Variants in ERI1 observed in about 807,000 individuals in gnomAD.
ERI1 encodes the protein 3'-5' exoribonuclease 1.
Under a neutral mutation model 39.7 loss-of-function variants are expected in ERI1, and 39 were observed. The observed-to-expected ratio is 0.98, with a 90% CI of 0.76 to 1.28. The LOEUF (loss-of-function observed/expected upper bound fraction) is 1.28. ERI1 is among the 50% of genes most tolerant of loss of function. ERI1 has a pLI of 0.00. For synonymous variants in ERI1, 204 were observed against 149.6 expected (o/e 1.36, Z -2.65); for missense variants, 581 against 416.9 (o/e 1.39, Z -3.43).
intron 2 of ERI1, among the ~76,000 whole-genome samples, chr8:9,010,010 A>G (rs2117194356): frequency 6.6e-6 from 1 of 152,362 alleles, no homozygotes; most frequent in African/African-American, 2.4e-5. Context: ...AATTGGTGTT[A>G]GTGCTCAGTT....
chr8:9,088,659 G>C (rs1271593765), intron 3 of ERI1: 1 of 152,262 alleles, frequency 6.6e-6, no homozygotes, highest in African/African-American at 2.4e-5. Context: ...TTCAGCCAGT[G>C]CAAGTTGTGG....
chr8:9,097,287 G>A (rs187779892), intron 3 of ERI1, among the ~76,000 whole-genome samples: 27 of 152,152 alleles, frequency 1.8e-4, no homozygotes, highest in African/African-American at 5.8e-4. Flanking sequence ...ATTAACAGTC[G>A]AGTGTTTTTG....
At chr8:9,061,052 A>G (rs1374425712) in intron 3 of ERI1, among the ~76,000 whole-genome samples, 1 of 152,186 alleles carries the variant, frequency 6.6e-6, no homozygotes, top group Admixed American at 6.5e-5. Flanking sequence ...CGAGGGCTTG[A>G]GTTAAGGCAA....
intron 3 of ERI1, among the ~76,000 whole-genome samples, chr8:9,074,572 G>A (rs1799149777): frequency 6.6e-6 from 1 of 152,102 alleles, no homozygotes; most frequent in Non-Finnish European, 1.5e-5. Context: ...CTCCTGAGTA[G>A]CTGAGACTAC....
At position 9,025,572 on chromosome 8, in the gene ERI1, G is replaced by A. The variant is rs140224380; in HGVS notation, c.808-4220G>A. On this transcript the variant is annotated intron_variant, in intron 6 of 6. Transcript: ENST00000250263. ...CTTGCTAAGCCAGAGGAAGCAAGAG[G>A]TTGGTTTGTTCTTTGTCTAGATTTC... Among the ~76,000 whole-genome samples the A allele has an allele frequency of 3.9e-5, 6 of 152,328 alleles. No homozygotes were observed. In the East Asian group the frequency reaches 1.2e-3, roughly 29 times the overall value.
chr8:9,037,444 C>A (rs560928470), downstream of ERI1, among the ~76,000 whole-genome samples: 1 of 151,794 alleles, frequency 6.6e-6, no homozygotes, highest in South Asian at 2.1e-4. Flanking sequence ...ACTTTTGTTA[C>A]ATTCATTGGG....
intron 1 of ERI1, among the ~76,000 whole-genome samples, chr8:9,006,607 T>G (rs1397729111): frequency 6.6e-6 from 1 of 152,178 alleles, no homozygotes; most frequent in Non-Finnish European, 1.5e-5. Context: ...AAAATTCTGG[T>G]CAAGCAGAGC....
chr8:9,013,397 G>A (rs13262828), intron 3 of ERI1, among the ~76,000 whole-genome samples: 4 of 150,986 alleles, frequency 2.6e-5, no homozygotes, highest in African/African-American at 4.9e-5. Context: ...TTTTCTTCAG[G>A]TATAACTTGT....
chr8:9,025,404 C>A (rs895908506), intron 6 of ERI1, among the ~76,000 whole-genome samples: 2 of 152,210 alleles, frequency 1.3e-5, no homozygotes, highest in Non-Finnish European at 2.9e-5. Flanking sequence ...CTTATAGGGA[C>A]TTGTTCAGCT....
intron 3 of ERI1, among the ~76,000 whole-genome samples, chr8:9,085,685 G>A (rs539600668): frequency 3.5e-4 from 53 of 151,854 alleles, no homozygotes; most frequent in Non-Finnish European, 6.3e-4. Flanking sequence ...GAAAGTTCAG[G>A]GCCCCTAATT....
intron 3 of ERI1, among the ~76,000 whole-genome samples, chr8:9,055,091 A>G (rs939630817): frequency 1.3e-5 from 2 of 152,242 alleles, no homozygotes; most frequent in African/African-American, 4.8e-5. Context: ...GAGCCAGAGT[A>G]GGCTCAGAGA....
chr8:9,076,177 C>T (rs1430643030), intron 3 of ERI1, among the ~76,000 whole-genome samples: 1 of 152,198 alleles, frequency 6.6e-6, no homozygotes, highest in East Asian at 1.9e-4. Flanking sequence ...CCCCTGGGCT[C>T]AAGTGGTCCT....
intron 1 of ERI1, 104 bp downstream of exon 1, chr8:9,003,275 G>C (rs1427738630): frequency 1.5e-6 from 1 of 672,308 alleles, no homozygotes; most frequent in Non-Finnish European, 2.1e-6. Context: ...GTGCAGCTGT[G>C]CGCCCTTGGA....
intron 3 of ERI1, 64 bp downstream of exon 3, chr8:9,011,816 T>G: frequency 1.6e-6 from 2 of 1,238,918 alleles, no homozygotes; most frequent in Non-Finnish European, 2.2e-6. Context: ...TTACTGGTTA[T>G]GTGGAGGACC....
At chr8:9,005,504 GTTT>G (rs911960186) in intron 1 of ERI1, among the ~76,000 whole-genome samples, 1 of 147,544 alleles carries the variant, frequency 6.8e-6, no homozygotes, top group African/African-American at 2.5e-5. Context: ...TTCAACAACA[GTTT>G]TTTTATGTTT....
chr8:9,048,276 G>GTT (rs11433078), intron 3 of ERI1, among the ~76,000 whole-genome samples: 35 of 151,920 alleles, frequency 2.3e-4, no homozygotes, highest in Middle Eastern at 3.4e-3. Context: ...ATAGGGATTT[G>GTT]TTTTTTTTAA....
At chr8:9,015,727 A>G (rs1817181874) in intron 3 of ERI1, among the ~76,000 whole-genome samples, 1 of 150,240 alleles carries the variant, frequency 6.7e-6, no homozygotes, top group Non-Finnish European at 1.5e-5. Context: ...GTCTCCAAAA[A>G]AAAAAAAAAA....
intron 3 of ERI1, among the ~76,000 whole-genome samples, chr8:9,061,812 A>G (rs79188727): frequency 0.1 from 13,818 of 137,590 alleles, 999 homozygotes; most frequent in African/African-American, 0.15. Context: ...GAAGTTTTGC[A>G]GCAGTATAGC....
At chr8:9,050,721 G>C (rs6601279) in intron 3 of ERI1, among the ~76,000 whole-genome samples, 4 of 151,534 alleles carry the variant, frequency 2.6e-5, no homozygotes, top group African/African-American at 9.7e-5. Flanking sequence ...AAGGAATGGA[G>C]AAGCCTGGAT....
Sources: allele counts gnomAD v4.1 joint callset (sites outside exome capture counted in the v4.1 genomes callset), GRCh38; gene constraint gnomAD v4.1.1; transcripts MANE v1.5; gene names NCBI Gene and HGNC (gene_info 2026-07-23, HGNC 2026-07-21).